The following SCARB1 variants were observed in gnomAD, a reference collection of about 807,000 sequenced individuals.
The protein encoded by SCARB1 is CD36 and LIMPII analogous 1.
SCARB1 carries 30 observed loss-of-function variants against 57.2 expected under a neutral mutation model. The observed-to-expected ratio is 0.52, with a 90% CI of 0.39 to 0.71. The LOEUF is 0.71. SCARB1 is among the 30% of genes least tolerant of loss of function. The pLI is 0.00. For missense variants in SCARB1, 543 were observed against 671.2 expected, an observed-to-expected ratio of 0.81 and a Z score of 2.11; for synonymous variants, 249 against 268.3, an observed-to-expected ratio of 0.93 and a Z score of 0.70.
At position 124,805,963 on chromosome 12, in the gene SCARB1, T is replaced by C. The variant is rs1950308836; in HGVS notation, c.1009+1798A>G. Reference sequence around the variant, plus strand: ...TCTCTATCTGTGCTATCCAAGACAGTAGCTGCTAGACACACATGGCTTATG... The same window carrying C: ...TCTCTATCTGTGCTATCCAAGACAGCAGCTGCTAGACACACATGGCTTATG... On this transcript the variant is annotated intron_variant, in intron 7 of 12. Coordinates refer to ENST00000261693, the MANE Select transcript of SCARB1 (RefSeq NM_005505.5). 2.0e-5 allele frequency among the ~76,000 whole-genome samples: 3 copies of C among 152,236 alleles called. No homozygotes were observed. The South Asian group carries it at 6.2e-4, about 32-fold the overall frequency.
intron 1 of SCARB1, among the ~76,000 whole-genome samples, chr12:124,826,661 T>C (rs575529226): frequency 2.0e-5 from 3 of 152,108 alleles, no homozygotes; most frequent in East Asian, 1.9e-4. Flanking sequence ...GGTCTCACTA[T>C]GTTGCCCAGG....
chr12:124,846,866 C>G (rs1952180850), intron 1 of SCARB1, among the ~76,000 whole-genome samples: 1 of 151,562 alleles, frequency 6.6e-6, no homozygotes, highest in South Asian at 2.1e-4. Context: ...GGGTGGATCC[C>G]ACAAATACCA....
At chr12:124,826,229 G>A (rs1477625196) in intron 1 of SCARB1, among the ~76,000 whole-genome samples, 1 of 151,222 alleles carries the variant, frequency 6.6e-6, no homozygotes, top group Non-Finnish European at 1.5e-5. Context: ...TACTCAGGAG[G>A]CTTAAGTGGG....
intron 7 of SCARB1, among the ~76,000 whole-genome samples, chr12:124,802,453 A>G (rs1319947877): frequency 1.3e-5 from 2 of 151,960 alleles, no homozygotes; most frequent in Non-Finnish European, 2.9e-5. Flanking sequence ...GTCCTCCACA[A>G]TCTGGAAAAC....
intron 1 of SCARB1, among the ~76,000 whole-genome samples, chr12:124,860,096 G>A (rs146391181): frequency 3.1e-4 from 47 of 152,106 alleles, no homozygotes; most frequent in African/African-American, 1.0e-3. Flanking sequence ...GATTACAGGC[G>A]TGCACCACCA....
rs1195858129 is a variant in SCARB1 at position 124,777,461 on chromosome 12, T to C, written c.*1126A>G. 1 of 151,828 alleles carries C rather than the reference T, an allele frequency of 6.6e-6. No individual in the cohort carries two copies. Among genetic ancestry groups the C allele is most frequent in the African/African-American group, 2.4e-5 (1 of 41,308 alleles). The allele number at this position is 151,828 out of a possible 1,614,324, so 9.4% of individuals were successfully genotyped here. On this transcript the variant is annotated 3_prime_UTR_variant, in exon 13 of 13. Transcript: ENST00000261693. ...CTATGAAACTCAACATTGCACAAGGTTGAAATTTGAAAACAACAGGAAGGT... is the reference window on the plus strand; with the variant it reads ...CTATGAAACTCAACATTGCACAAGGCTGAAATTTGAAAACAACAGGAAGGT...
chr12:124,861,285 T>A (rs1952889550), intron 1 of SCARB1, among the ~76,000 whole-genome samples: 4 of 152,208 alleles, frequency 2.6e-5, no homozygotes, highest in Non-Finnish European at 5.9e-5. Flanking sequence ...TTATAATACC[T>A]AATACGATGT....
At chr12:124,841,406 C>T (rs1484767454) in intron 1 of SCARB1, among the ~76,000 whole-genome samples, 4 of 148,648 alleles carry the variant, frequency 2.7e-5, no homozygotes, top group Admixed American at 6.8e-5. Flanking sequence ...TGCTTGAACT[C>T]GGGAGGCGGA....
At position 124,780,607 on chromosome 12, in the gene SCARB1, T is replaced by A. The variant is rs190408410; in HGVS notation, c.*1-2021A>T. ...TTCCCCGTTTCACATGCCTAGGGGA[T>A]CCGGGGCGCTGGGCTGGGCTCCAGA... On this transcript the variant is annotated intron_variant, in intron 12 of 12. Transcript: ENST00000261693. Among the ~76,000 whole-genome samples the A allele has an allele frequency of 6.6e-5, 10 of 152,250 alleles. No homozygotes were observed. The East Asian group carries it at 1.9e-3, about 29-fold the overall frequency.
At position 124,814,695 on chromosome 12, in the gene SCARB1, C is replaced by A. The variant is rs1432042958; in HGVS notation, c.426+278G>T. On this transcript the variant is annotated intron_variant, in intron 3 of 12. Coordinates refer to ENST00000261693, the MANE Select transcript of SCARB1 (RefSeq NM_005505.5). The surrounding 1 kb of genome is among the most constrained non-coding windows in gnomAD (Gnocchi z 4.7). ...GGCGGGCCTGTGGCTCAGCCCTCAA[C>A]AAGACAGCCCCTTTTGGAGATCTCA... Among the ~76,000 whole-genome samples, 1 of 152,162 alleles carries A rather than the reference C, an allele frequency of 6.6e-6. No individual in the cohort carries two copies. The highest frequency in any genetic ancestry group is 2.4e-5 in the African/African-American group (1 of 41,432).
chr12:124,861,047 T>G (rs1280093161), intron 1 of SCARB1, among the ~76,000 whole-genome samples: 1 of 152,156 alleles, frequency 6.6e-6, no homozygotes, highest in Non-Finnish European at 1.5e-5. Flanking sequence ...AGGAGGGGAA[T>G]AAAATGGGGG....
chr12:124,804,767 G>A (rs1346829066), intron 7 of SCARB1, among the ~76,000 whole-genome samples: 1 of 152,188 alleles, frequency 6.6e-6, no homozygotes, highest in South Asian at 2.1e-4. Context: ...CCCTGTTGCA[G>A]ACCAGTCCTT....
At chr12:124,780,978 G>A (rs553656139) in intron 12 of SCARB1, among the ~76,000 whole-genome samples, 88 of 152,340 alleles carry the variant, frequency 5.8e-4, no homozygotes, top group African/African-American at 1.9e-3. Context: ...GCACTACGGT[G>A]TCCTGGAGGA....
chr12:124,811,839 G>T, intron 5 of SCARB1, 31 bp downstream of exon 5: 1 of 1,538,380 alleles, frequency 6.5e-7, no homozygotes, highest in Non-Finnish European at 8.9e-7. Context: ...CCTCTCCCTG[G>T]CGACAGGGGC....
chr12:124,816,359 G>C (rs1950718444), intron 2 of SCARB1, among the ~76,000 whole-genome samples: 1 of 152,226 alleles, frequency 6.6e-6, no homozygotes, highest in Non-Finnish European at 1.5e-5. Flanking sequence ...AAGGAGTATA[G>C]AGAGCTTTGG....
At chr12:124,835,434 A>AT (rs540184543) in intron 1 of SCARB1, among the ~76,000 whole-genome samples, 90 of 151,096 alleles carry the variant, frequency 6.0e-4, no homozygotes, top group African/African-American at 2.1e-3. Flanking sequence ...TAATTTTTTC[A>AT]TTTTTTGTAG....
At chr12:124,779,476 C>A (rs1014256315) in intron 12 of SCARB1, among the ~76,000 whole-genome samples, 1 of 152,002 alleles carries the variant, frequency 6.6e-6, no homozygotes, top group Non-Finnish European at 1.5e-5. Flanking sequence ...GGGCGCAGGA[C>A]GTGGGGAGGG....
At chr12:124,852,145 AC>A (rs1480505108) in intron 1 of SCARB1, among the ~76,000 whole-genome samples, 1 of 151,816 alleles carries the variant, frequency 6.6e-6, no homozygotes, top group Non-Finnish European at 1.5e-5. Context: ...CTGTCTCTTT[AC>A]CCACCATCCA....
At chr12:124,795,556 C>G (rs1274966807) in intron 8 of SCARB1, among the ~76,000 whole-genome samples, 1 of 152,198 alleles carries the variant, frequency 6.6e-6, no homozygotes, top group Non-Finnish European at 1.5e-5. Context: ...TTCTATAAAG[C>G]AAGGCTGTCT....
Sources: gnomAD v4.1 joint callset for allele counts (sites outside exome capture counted in the v4.1 genomes callset) on GRCh38, gnomAD v4.1.1 for gene constraint, Gnocchi (gnomAD v3.1) non-coding constraint, MANE v1.5 for transcripts, NCBI Gene and HGNC (gene_info 2026-07-23, HGNC 2026-07-21) for gene names.